REC114: variants seen among roughly 807,000 people sequenced by gnomAD.
The protein encoded by REC114 is meiotic recombination protein REC114.
A neutral mutation model predicts 31.3 loss-of-function variants in REC114; 27 were observed. That is an observed-to-expected ratio of 0.86 (90% CI 0.64 to 1.19). The LOEUF (loss-of-function observed/expected upper bound fraction) is 1.19, where lower values mean the gene tolerates loss of function less well. Among genes scored for constraint, REC114 ranks in the 50% most tolerant of loss-of-function variants. REC114 has a pLI of 0.00. For missense variants in REC114, 344 were observed against 326.9 expected (o/e 1.05, Z -0.40); for synonymous variants, 134 against 127.7 (o/e 1.05, Z -0.33).
chr15:73,523,287 C>T (rs944035390), intron 2 of REC114, among the ~76,000 whole-genome samples: 60 of 151,424 alleles, frequency 4.0e-4, no homozygotes, highest in African/African-American at 1.4e-3. Context: ...GACTCCAGCA[C>T]AGCCACATGA....
chr15:73,454,056 G>A lies in REC114; in HGVS notation c.159+10712G>A, dbSNP rs146237982. On this transcript the variant is annotated intron_variant, in intron 1 of 5. Transcript: ENST00000331090. ...TGGGTGCAGCAAACCACCATAGCAC[G>A]TGTATACCTATGTAACAAACCTGCA... 2.1e-3 allele frequency among the ~76,000 whole-genome samples: 314 copies of A among 152,000 alleles called. 2 individuals are homozygous for A. Among genetic ancestry groups the A allele is most frequent in the African/African-American group, 7.4e-3 (306 of 41,448 alleles).
intron 2 of REC114, among the ~76,000 whole-genome samples, chr15:73,537,037 A>T (rs1413166352): frequency 1.3e-5 from 2 of 152,212 alleles, no homozygotes; most frequent in Non-Finnish European, 2.9e-5. Flanking sequence ...TGTTTCATTT[A>T]TTCACTCAAT....
chr15:73,493,807 C>A (rs372442411), intron 2 of REC114, among the ~76,000 whole-genome samples: 1 of 152,200 alleles, frequency 6.6e-6, no homozygotes, highest in Non-Finnish European at 1.5e-5. Context: ...ATTCATCCAC[C>A]CTTCTGGTAT....
At chr15:73,530,355 T>TATGA (rs1894060174) in intron 2 of REC114, among the ~76,000 whole-genome samples, 1 of 152,222 alleles carries the variant, frequency 6.6e-6, no homozygotes, top group South Asian at 2.1e-4. Context: ...AACAACTGGT[T>TATGA]ATGATTATTG....
chr15:73,478,256 T>C (rs1231838555), intron 2 of REC114, among the ~76,000 whole-genome samples: 1 of 119,528 alleles, frequency 8.4e-6, no homozygotes, highest in Non-Finnish European at 1.6e-5. Context: ...AGAGTGAGAC[T>C]CTGTCTCAAA....
chr15:73,482,826 T>C (rs1207224173), intron 2 of REC114, among the ~76,000 whole-genome samples: 1 of 152,210 alleles, frequency 6.6e-6, no homozygotes, highest in Non-Finnish European at 1.5e-5. Context: ...TTTGAAACCC[T>C]GCTTTCAATT....
chr15:73,506,684 GA>G (rs1258884014), intron 2 of REC114, among the ~76,000 whole-genome samples: 2 of 152,144 alleles, frequency 1.3e-5, no homozygotes, highest in African/African-American at 4.8e-5. Context: ...CTTTTGGGGG[GA>G]TAAGTGTAAA....
intron 2 of REC114, among the ~76,000 whole-genome samples, chr15:73,481,901 T>C (rs8040552): frequency 0.15 from 23,219 of 151,858 alleles, 2,689 homozygotes; most frequent in African/African-American, 0.33. Context: ...GCTTGTGATC[T>C]GCCCACCTCG....
intron 2 of REC114, among the ~76,000 whole-genome samples, chr15:73,518,485 G>A (rs184011377): frequency 6.6e-5 from 10 of 152,308 alleles, no homozygotes; most frequent in South Asian, 2.1e-4. Flanking sequence ...AGTTCTAGCA[G>A]GAGTCCCAGG....
At chr15:73,456,693 C>T (rs2151252890) in intron 1 of REC114, among the ~76,000 whole-genome samples, 1 of 152,158 alleles carries the variant, frequency 6.6e-6, no homozygotes, top group African/African-American at 2.4e-5. Context: ...TTATTATACC[C>T]ATTTTATAGA....
chr15:73,489,396 G>C (rs941415679), intron 2 of REC114, among the ~76,000 whole-genome samples: 1 of 151,506 alleles, frequency 6.6e-6, no homozygotes, highest in Non-Finnish European at 1.5e-5. Context: ...AGTAGAGATG[G>C]GGTTTCATCA....
Position 73,486,313 on chromosome 15 carries a change from G to A in REC114, c.249+12392G>A, listed in dbSNP as rs1893363378. Among the ~76,000 whole-genome samples, 3 of 152,178 alleles carry A rather than the reference G, an allele frequency of 2.0e-5. No homozygotes were observed. In the South Asian group the frequency reaches 6.2e-4, roughly 32 times the overall value. ...GGGTTTCACCATGTTGGTCAGGCTG[G>A]TCTCGAGCTCCTGACCGCGTGATCT... is the stretch of plus-strand genomic sequence containing the variant. On this transcript the variant is annotated intron_variant, in intron 2 of 5. Transcript: ENST00000331090.
intron 2 of REC114, among the ~76,000 whole-genome samples, chr15:73,481,256 C>T (rs746471749): frequency 1.4e-4 from 22 of 151,952 alleles, no homozygotes; most frequent in Non-Finnish European, 1.8e-4. Context: ...TTCCTTTAAC[C>T]ATCATAGGTC....
chr15:73,455,118 T>A (rs977004091), intron 1 of REC114, among the ~76,000 whole-genome samples: 1 of 152,180 alleles, frequency 6.6e-6, no homozygotes, highest in African/African-American at 2.4e-5. Context: ...TCTGTCATTT[T>A]TTTTTTGGAA....
chr15:73,524,978 T>C (rs375872699), intron 2 of REC114, among the ~76,000 whole-genome samples: 53 of 152,264 alleles, frequency 3.5e-4, no homozygotes, highest in African/African-American at 1.1e-3. Context: ...CTGCAACAGA[T>C]GAAACATGGC....
intron 2 of REC114, among the ~76,000 whole-genome samples, chr15:73,498,968 T>C (rs1893566484): frequency 6.6e-6 from 1 of 152,154 alleles, no homozygotes; most frequent in Non-Finnish European, 1.5e-5. Flanking sequence ...CCTTTGGCTT[T>C]AGCTTAGCTT....
chr15:73,551,244 G>C, intron 4 of REC114, 94 bp downstream of exon 4: 2 of 1,241,818 alleles, frequency 1.6e-6, no homozygotes, highest in Non-Finnish European at 2.3e-6. Context: ...AAGTCTGTTA[G>C]GTTTGTAGTT....
At position 73,443,269 on chromosome 15, in the gene REC114, C is replaced by G. The variant is rs1239892460; in HGVS notation, c.84C>G (p.Arg28=). ...AGTGGCCTCTGCAGCGGTACGCCCG[C>G]TGCATACCCTCAAACACCAGAGACC... ...AAEWPLQRYA[R]CIPSNTRDPP... is the part of the protein sequence containing the mutation. The change falls in exon 1 of 6, where the codon CGC becomes CGG. Residue 28 remains arginine (R), a synonymous_variant. Transcript: ENST00000331090. 1 of 1,577,824 alleles carries G rather than the reference C, an allele frequency of 6.3e-7. No homozygotes were observed. Among genetic ancestry groups the G allele is most frequent in the Non-Finnish European group, 8.6e-7 (1 of 1,162,926 alleles).
intron 1 of REC114, among the ~76,000 whole-genome samples, chr15:73,469,768 T>G (rs1893108221): frequency 6.8e-6 from 1 of 146,230 alleles, no homozygotes. Flanking sequence ...CACTGCAAGC[T>G]CCACCTCCTG....
Sources: allele counts gnomAD v4.1 joint callset (sites outside exome capture counted in the v4.1 genomes callset), GRCh38; gene constraint gnomAD v4.1.1; transcripts MANE v1.5; gene names NCBI Gene and HGNC (gene_info 2026-07-23, HGNC 2026-07-21).